Variants in PPM1L observed in about 807,000 individuals in gnomAD.
PPM1L encodes the protein protein phosphatase, Mg2+/Mn2+ dependent 1L, also known as protein phosphatase 1L.
A neutral mutation model predicts 31.4 loss-of-function variants in PPM1L; 13 were observed. That is an observed-to-expected ratio of 0.41 (90% CI 0.27 to 0.66). The LOEUF is 0.66. Among genes scored for constraint, PPM1L ranks in the 30% least tolerant of loss-of-function variants. The probability of loss-of-function intolerance (pLI) is 0.29; values close to 1 mark genes in which losing one functional copy is unlikely to be tolerated. For synonymous variants in PPM1L, 184 were observed against 175.4 expected, an observed-to-expected ratio of 1.05 and a Z score of -0.39; for missense variants, 326 against 453.7, an observed-to-expected ratio of 0.72 and a Z score of 2.56.
chr3:160,804,992 A>ACT (rs1459296140), intron 1 of PPM1L, among the ~76,000 whole-genome samples: 1 of 152,144 alleles, frequency 6.6e-6, no homozygotes, highest in African/African-American at 2.4e-5. Flanking sequence ...CTCTCTGGAG[A>ACT]CAGTGTGACC....
At chr3:160,796,674 C>A (rs146617344) in intron 1 of PPM1L, among the ~76,000 whole-genome samples, 1 of 152,306 alleles carries the variant, frequency 6.6e-6, no homozygotes, top group African/African-American at 2.4e-5. Context: ...TAAGAAGGAT[C>A]TGCATTTAAA....
At chr3:160,985,017 A>C (rs77654391) in intron 2 of PPM1L, among the ~76,000 whole-genome samples, 3,810 of 152,282 alleles carry the variant, frequency 0.025, 84 homozygotes, top group South Asian at 0.042. Context: ...TCTAACCAAA[A>C]TGTAAGTAGT....
intron 2 of PPM1L, among the ~76,000 whole-genome samples, chr3:160,981,556 C>T (rs1716797581): frequency 6.6e-6 from 1 of 152,026 alleles, no homozygotes; most frequent in South Asian, 2.1e-4. Flanking sequence ...GTCAAACAAA[C>T]CAACCCTAAT....
intron 1 of PPM1L, among the ~76,000 whole-genome samples, chr3:160,829,484 A>G (rs933003509): frequency 6.6e-6 from 1 of 152,186 alleles, no homozygotes; most frequent in Non-Finnish European, 1.5e-5. Context: ...AACTGTGGTT[A>G]AGGAGGCTGC....
intron 1 of PPM1L, among the ~76,000 whole-genome samples, chr3:160,902,347 T>C (rs914141635): frequency 6.6e-6 from 1 of 152,094 alleles, no homozygotes; most frequent in East Asian, 1.9e-4. Flanking sequence ...TAGAGTAAAA[T>C]TCATTTTCAT....
At chr3:160,854,269 C>T (rs1252164858) in intron 1 of PPM1L, among the ~76,000 whole-genome samples, 2 of 152,106 alleles carry the variant, frequency 1.3e-5, no homozygotes, top group Non-Finnish European at 2.9e-5. Context: ...CTTGAAGGAG[C>T]CAGAGCCAGT....
intron 1 of PPM1L, among the ~76,000 whole-genome samples, chr3:160,898,341 G>C (rs949321519): frequency 2.6e-5 from 4 of 152,190 alleles, no homozygotes; most frequent in African/African-American, 9.7e-5. Flanking sequence ...AAAGGTCAGA[G>C]GGAAATTGAA....
intron 1 of PPM1L, among the ~76,000 whole-genome samples, chr3:160,810,608 T>A (rs1342840681): frequency 3.9e-5 from 6 of 152,194 alleles, no homozygotes; most frequent in Non-Finnish European, 8.8e-5. Context: ...AAAGTTGTAT[T>A]GCCCAGACCA....
chr3:160,860,278 C>T (rs1711844364), intron 1 of PPM1L, among the ~76,000 whole-genome samples: 1 of 152,114 alleles, frequency 6.6e-6, no homozygotes, highest in African/African-American at 2.4e-5. Flanking sequence ...CTTTTCATTC[C>T]CACAACCAGT....
At chr3:161,062,427 C>T (rs985889796) in intron 2 of PPM1L, among the ~76,000 whole-genome samples, 1 of 152,108 alleles carries the variant, frequency 6.6e-6, no homozygotes, top group Admixed American at 6.5e-5. Context: ...ATAGTGAGAA[C>T]CCATCTCTAC....
intron 1 of PPM1L, among the ~76,000 whole-genome samples, chr3:160,884,104 G>A (rs1712827793): frequency 6.6e-6 from 1 of 151,824 alleles, no homozygotes; most frequent in Admixed American, 6.6e-5. Flanking sequence ...CTAAATAGGG[G>A]GAAGACACAA....
At chr3:160,952,036 T>C (rs1715590589) in intron 1 of PPM1L, among the ~76,000 whole-genome samples, 1 of 152,220 alleles carries the variant, frequency 6.6e-6, no homozygotes, top group African/African-American at 2.4e-5. Flanking sequence ...GGCAGAATTA[T>C]GAATTCAGGA....
rs765767646 is a variant in PPM1L at position 161,056,162 on chromosome 3, GAGA to G, written c.575-9238_575-9236del. Among the ~76,000 whole-genome samples, 73 of 152,268 alleles carry G rather than the reference GAGA, an allele frequency of 4.8e-4. 1 individual carries two copies. The highest frequency in any genetic ancestry group is 8.7e-4 in the Non-Finnish European group (59 of 68,010). On this transcript the variant is annotated intron_variant, in intron 2 of 3. Coordinates refer to ENST00000498165, the MANE Select transcript of PPM1L (RefSeq NM_139245.4). Reference sequence around the variant, plus strand: ...CCCAAGGCAGAATGTTTGCTCTGAGGAGAAGGATTGAGTGGCACTACTTAAGAG... The same window carrying G: ...CCCAAGGCAGAATGTTTGCTCTGAGGAGGATTGAGTGGCACTACTTAAGAG...
At chr3:160,904,716 G>A (rs951525040) in intron 1 of PPM1L, among the ~76,000 whole-genome samples, 2 of 132,708 alleles carry the variant, frequency 1.5e-5, no homozygotes, top group Admixed American at 7.4e-5. Flanking sequence ...ATTATATTAT[G>A]GGGGGAAGAG....
At chr3:160,862,176 T>C (rs1215217744) in intron 1 of PPM1L, among the ~76,000 whole-genome samples, 1 of 152,148 alleles carries the variant, frequency 6.6e-6, no homozygotes. Context: ...GCTGTTAGTA[T>C]TTCACTCACT....
At chr3:160,773,307 A>G (rs1711501422) in intron 1 of PPM1L, among the ~76,000 whole-genome samples, 1 of 152,230 alleles carries the variant, frequency 6.6e-6, no homozygotes. Context: ...GAAGACGCAG[A>G]GAGAAACAGT....
chr3:160,976,955 A>G lies in PPM1L; in HGVS notation c.574+15045A>G, dbSNP rs901947532. 2.0e-5 allele frequency among the ~76,000 whole-genome samples: 3 copies of G among 152,040 alleles called. No individual in the cohort carries two copies. The South Asian group carries it at 6.2e-4, about 32-fold the overall frequency. ...TGCTCTTGCTTTTCTAGTTCTTTTAATTGTGATGTTAGGGTGTCAATTTTG... is the reference window on the plus strand; with the variant it reads ...TGCTCTTGCTTTTCTAGTTCTTTTAGTTGTGATGTTAGGGTGTCAATTTTG... On this transcript the variant is annotated intron_variant, in intron 2 of 3. Transcript: ENST00000498165.
intron 1 of PPM1L, among the ~76,000 whole-genome samples, chr3:160,883,896 A>AT (rs1712818519): frequency 6.6e-6 from 1 of 150,758 alleles, no homozygotes; most frequent in Non-Finnish European, 1.5e-5. Flanking sequence ...AAAAAAAAAA[A>AT]AAAATTAAAA....
intron 2 of PPM1L, among the ~76,000 whole-genome samples, chr3:161,000,468 A>G (rs1183454814): frequency 6.6e-6 from 1 of 152,228 alleles, no homozygotes. Flanking sequence ...GTAAGTTTCA[A>G]AAAGTGACCA....
Sources: gnomAD v4.1 joint callset for allele counts (sites outside exome capture counted in the v4.1 genomes callset) on GRCh38, gnomAD v4.1.1 for gene constraint, MANE v1.5 for transcripts, NCBI Gene and HGNC (gene_info 2026-07-23, HGNC 2026-07-21) for gene names.